The following MTTP variants were observed in gnomAD, a reference collection of about 807,000 sequenced individuals.
MTTP encodes the protein microsomal triglyceride transfer protein large subunit.
In MTTP, 49 loss-of-function variants were observed where a neutral mutation model predicts 90.6. The ratio of observed to expected loss-of-function variants is 0.54; its 90% CI spans 0.43 to 0.69. The LOEUF (loss-of-function observed/expected upper bound fraction) is 0.69. MTTP is among the 30% of genes least tolerant of loss of function. The pLI is 0.00. For synonymous variants in MTTP, 347 were observed against 384.2 expected (o/e 0.90, Z 1.13); for missense variants, 945 against 1,067.5 (o/e 0.89, Z 1.60).
chr4:99,614,436 A>G (rs1424323516), intron 15 of MTTP, among the ~76,000 whole-genome samples: 2 of 152,246 alleles, frequency 1.3e-5, no homozygotes, highest in East Asian at 1.9e-4. Flanking sequence ...TTAATTTTCT[A>G]TCTTTCTTGT....
At position 99,613,053 on chromosome 4, in the gene MTTP, C is replaced by T; in HGVS notation, c.2130C>T (p.Tyr710=). 6.2e-7 allele frequency: 1 copy of T among 1,614,090 alleles called. No individual in the cohort carries two copies. Among genetic ancestry groups the T allele is most frequent in the Non-Finnish European group, 8.5e-7 (1 of 1,179,960 alleles). The change falls in exon 15 of 18, where the codon TAC becomes TAT. Residue 710 remains tyrosine, a synonymous_variant. Transcript: ENST00000265517. ...QLRPVTFFNG[Y]SDLMSKMLSA... is the part of the protein sequence containing the mutation. ...GACCTGTCACCTTTTTCAACGGATA[C>T]AGTGATTTGATGTCCAAAATGCTGT...
At chr4:99,565,659 A>G (rs1724668701) in intron 1 of MTTP, among the ~76,000 whole-genome samples, 1 of 152,228 alleles carries the variant, frequency 6.6e-6, no homozygotes, top group East Asian at 1.9e-4. Context: ...CCAGCAGTAA[A>G]TAAATACCAT....
rs17029213 is a variant in MTTP, at chr4:99,597,090, C to A, written c.933C>A (p.Thr311=). The A allele has an allele frequency of 0.045, 72,936 of 1,613,834 alleles. 2,338 individuals carry two copies. The highest frequency in any genetic ancestry group is 0.16 in the African/African-American group (11,760 of 74,942). ...CPSLSELWRS[T]RKYLQPDNLS... is the part of the protein sequence containing the mutation. ...AGCTCTCGGAGCTCTGGCGGTCCAC[C>A]AGGAAATACCTGCAGCCTGACAACC... The change falls in exon 8 of 18, where the codon ACC becomes ACA. Residue 311 remains threonine, a synonymous_variant. Coordinates refer to ENST00000265517, the MANE Select transcript of MTTP (RefSeq NM_001386140.1).
At chr4:99,600,850 T>C (rs1725679197) in intron 9 of MTTP, 117 bp downstream of exon 9, 1 of 980,226 alleles carries the variant, frequency 1.0e-6, no homozygotes, top group Admixed American at 2.6e-5. Flanking sequence ...CTTCTGAGTA[T>C]TCATATTCAA....
At chr4:99,594,037 A>T (rs1332465803) in intron 6 of MTTP, among the ~76,000 whole-genome samples, 7 of 152,186 alleles carry the variant, frequency 4.6e-5, no homozygotes, top group Admixed American at 3.9e-4. Context: ...AAAGACTCAA[A>T]CATCTGAGGC....
intron 1 of MTTP, among the ~76,000 whole-genome samples, chr4:99,579,984 C>T (rs34246356): frequency 0.071 from 10,301 of 144,568 alleles, 602 homozygotes; most frequent in African/African-American, 0.16. Context: ...TGCAGTGAGC[C>T]GAGATCGCAT....
intron 12 of MTTP, among the ~76,000 whole-genome samples, chr4:99,610,826 C>T (rs149569899): frequency 6.6e-5 from 10 of 152,278 alleles, no homozygotes; most frequent in Admixed American, 3.3e-4. Context: ...CACTATTAAA[C>T]AATAAAACCA....
intron 1 of MTTP, among the ~76,000 whole-genome samples, chr4:99,576,423 T>C (rs181597649): frequency 2.0e-5 from 3 of 152,152 alleles, no homozygotes; most frequent in East Asian, 1.9e-4. Context: ...AGGCCGGGCG[T>C]GGTGGCTCAC....
intron 10 of MTTP, 52 bp downstream of exon 10, chr4:99,601,766 T>C: frequency 2.2e-6 from 3 of 1,346,512 alleles, no homozygotes; most frequent in East Asian, 2.3e-5. Context: ...CATTGTCCAT[T>C]TGATACTCAC....
chr4:99,600,725 G>A lies in MTTP; in HGVS notation c.1228G>A (p.Ala410Thr), dbSNP rs375042345. 1.9e-6 allele frequency: 3 copies of A among 1,613,518 alleles called. No homozygotes were observed. Among genetic ancestry groups the A allele is most frequent in the South Asian group, 2.2e-5 (2 of 91,062 alleles). ...ASHPNEELLR[A>T]LISKFKGSIG... is the part of the protein sequence containing the mutation. ...TCATCCCAATGAAGAACTCCTGAGAGCCCTCATTGTAAGTCAAATAGAAAA... is the reference window on the plus strand; with the variant it reads ...TCATCCCAATGAAGAACTCCTGAGAACCCTCATTGTAAGTCAAATAGAAAA... The change falls in exon 9 of 18, where the codon GCC (alanine) becomes ACC (threonine). Residue 410 changes from alanine (A) to threonine (T), a missense_variant. Ala to Thr is a moderately conservative substitution (Grantham distance 58). Coordinates refer to ENST00000265517, the MANE Select transcript of MTTP (RefSeq NM_001386140.1).
At position 99,591,769 on chromosome 4, in the gene MTTP, T is replaced by C; in HGVS notation, c.737T>C (p.Ile246Thr). ...TTTGGACTGAATTTCCTACAAACCA[T>C]TAAGGGGAAAATAGTATCGAAGTAA... Reference protein sequence around the residue: ...HNFGLNFLQTIKGKIVSKQKL... With the variant: ...HNFGLNFLQTTKGKIVSKQKL... The change falls in exon 6 of 18, where the codon ATT (isoleucine) becomes ACT (threonine). Residue 246 changes from isoleucine (I) to threonine (T), a missense_variant. Coordinates refer to ENST00000265517, the MANE Select transcript of MTTP (RefSeq NM_001386140.1). 1.2e-6 allele frequency: 2 copies of C among 1,612,712 alleles called. No homozygotes were observed. Among genetic ancestry groups the C allele is most frequent in the African/African-American group, 1.3e-5 (1 of 75,014 alleles).
chr4:99,576,138 T>C (rs1724951324), intron 1 of MTTP, among the ~76,000 whole-genome samples: 2 of 152,198 alleles, frequency 1.3e-5, no homozygotes. Flanking sequence ...CAGTTCTTAC[T>C]TGGACAAAAG....
intron 7 of MTTP, 117 bp from the exon 8 acceptor site, chr4:99,596,950 A>C: frequency 7.1e-7 from 1 of 1,405,240 alleles, no homozygotes; most frequent in Non-Finnish European, 1.0e-6. Flanking sequence ...GGTAAGGTAC[A>C]AAAAGCTGCT....
rs139747240 is a variant in MTTP, at chr4:99,588,064, T to C, written c.394-1579T>C. Among the ~76,000 whole-genome samples the C allele has an allele frequency of 4.8e-3, 738 of 152,228 alleles. 19 individuals are homozygous for C. Among genetic ancestry groups the C allele is most frequent in the Admixed American group, 0.043 (660 of 15,260 alleles). On this transcript the variant is annotated intron_variant, in intron 3 of 17. Coordinates refer to ENST00000265517, the MANE Select transcript of MTTP (RefSeq NM_001386140.1). ...ATTGCCAGATAAAGTACCTAGTAAA[T>C]CCATCACTAGGCAGAGTATATGTAG... is the stretch of plus-strand genomic sequence containing the variant.
Position 99,582,008 on chromosome 4 carries a change from G to C in MTTP, c.165G>C (p.Val55=). The change falls in exon 2 of 18, where the codon GTG becomes GTC. Residue 55 remains valine, a synonymous_variant. Transcript: ENST00000265517. ...GCAAAGGAAAACTGCAAGACAGCGTGGGCTACCGCATTTCCTCCAACGTGG... is the reference window on the plus strand; with the variant it reads ...GCAAAGGAAAACTGCAAGACAGCGTCGGCTACCGCATTTCCTCCAACGTGG... ...DRGKGKLQDS[V]GYRISSNVDV... The C allele has an allele frequency of 6.2e-7, 1 of 1,614,182 alleles. No individual in the cohort carries two copies.
intron 5 of MTTP, 101 bp from the exon 6 acceptor site, chr4:99,591,550 G>T: frequency 7.5e-7 from 1 of 1,340,712 alleles, no homozygotes; most frequent in Admixed American, 1.9e-5. Flanking sequence ...TGGGTGTAAT[G>T]GGGAAGCTGT....
In MTTP at chr4:99,574,905, T is replaced by C. The variant is rs760392756; in HGVS notation, c.-5T>C. 3.0e-5 allele frequency: 48 copies of C among 1,614,084 alleles called. 1 individual carries two copies. In the South Asian group the frequency reaches 4.8e-4, roughly 16 times the overall value. On this transcript the variant is annotated 5_prime_UTR_variant, in exon 1 of 18. Transcript: ENST00000265517. ...ACTGGATGCAGTTGAGGATTGCTGGTCAATATGATTCTTCTTGCTGTGCTT... is the reference window on the plus strand; with the variant it reads ...ACTGGATGCAGTTGAGGATTGCTGGCCAATATGATTCTTCTTGCTGTGCTT...
chr4:99,601,314 A>G (rs374077137), intron 9 of MTTP, among the ~76,000 whole-genome samples: 1 of 124,322 alleles, frequency 8.0e-6, no homozygotes, highest in Non-Finnish European at 1.7e-5. Flanking sequence ...TATAACCCTC[A>G]CCCCTCCTTT....
chr4:99,577,265 G>A lies in MTTP; in HGVS notation c.61+2295G>A, dbSNP rs76682537. Among the ~76,000 whole-genome samples, 77 of 152,156 alleles carry A rather than the reference G, an allele frequency of 5.1e-4. No individual in the cohort carries two copies. The East Asian group carries it at 0.013, about 26-fold the overall frequency. ...CTCTAAATTACCAATGCAACTGTTT[G>A]GTAAATCCTCAGATCTGGGTGGATG... is the stretch of plus-strand genomic sequence containing the variant. On this transcript the variant is annotated intron_variant, in intron 1 of 17. Coordinates refer to ENST00000265517, the MANE Select transcript of MTTP (RefSeq NM_001386140.1).
Sources: allele counts gnomAD v4.1 joint callset (sites outside exome capture counted in the v4.1 genomes callset), GRCh38; gene constraint gnomAD v4.1.1; transcripts MANE v1.5; gene names NCBI Gene and HGNC (gene_info 2026-07-23, HGNC 2026-07-21).